Variants in FBLN2 observed in about 807,000 individuals in gnomAD.
FBLN2 encodes fibulin-2.
Under a neutral mutation model 123.7 loss-of-function variants are expected in FBLN2, and 81 were observed. The ratio of observed to expected loss-of-function variants is 0.65; its 90% CI spans 0.55 to 0.79. FBLN2 has a LOEUF of 0.79. FBLN2 is among the 30% of genes least tolerant of loss of function. FBLN2 has a pLI of 0.00. For missense variants in FBLN2, 1,603 were observed against 1,681.3 expected (o/e 0.95, Z 0.81); for synonymous variants, 699 against 701.4 (o/e 1.00, Z 0.05).
At chr3:13,551,372 G>C (rs924591734) in intron 1 of FBLN2, among the ~76,000 whole-genome samples, 1 of 152,194 alleles carries the variant, frequency 6.6e-6, no homozygotes, top group Admixed American at 6.5e-5. Flanking sequence ...CGTGAAGCAA[G>C]AGCTCATGCC....
intron 5 of FBLN2, among the ~76,000 whole-genome samples, chr3:13,615,993 C>A (rs1177708649): frequency 6.6e-6 from 1 of 152,210 alleles, no homozygotes; most frequent in Non-Finnish European, 1.5e-5. Flanking sequence ...ACAGGAAGAG[C>A]TCATATCCTG....
Position 13,621,884 on chromosome 3 carries a change from C to T in FBLN2, c.2265C>T (p.Gly755=). 3.1e-6 allele frequency: 5 copies of T among 1,613,836 alleles called. No homozygotes were observed. Among genetic ancestry groups the T allele is most frequent in the East Asian group, 4.5e-5 (2 of 44,868 alleles). Residue 755 remains glycine (G), a synonymous_variant, in exon 9 of 18, where the codon GGC becomes GGT. Coordinates refer to ENST00000404922, the MANE Select transcript of FBLN2 (RefSeq NM_001004019.2). ...CVNHTVLCAD[G]YILNAHRKCV... ...ACCACACAGTGCTCTGTGCCGATGG[C>T]TATATCCTCAATGCGCACAGGAAGT...
At chr3:13,636,262 G>A (rs1179917411) in intron 16 of FBLN2, among the ~76,000 whole-genome samples, 183 bp from the exon 17 acceptor site, 2 of 152,216 alleles carry the variant, frequency 1.3e-5, no homozygotes, top group African/African-American at 4.8e-5. Flanking sequence ...TGACACTTTA[G>A]AGCCAGGCCC....
intron 16 of FBLN2, among the ~76,000 whole-genome samples, chr3:13,632,524 CA>C (rs957287122): frequency 3.3e-5 from 5 of 152,210 alleles, no homozygotes; most frequent in Admixed American, 2.6e-4. Flanking sequence ...ATCCTGAGAT[CA>C]AGTCGATAGA....
chr3:13,571,210 GGA>G lies in FBLN2; in HGVS notation c.863_864del (p.Glu288GlyfsTer6). 2.5e-6 allele frequency: 4 copies of G among 1,570,042 alleles called. No homozygotes were observed. The highest frequency in any genetic ancestry group is 2.3e-5 in the South Asian group (2 of 85,630). ...DSEEEEEEEE[E>X]REEMAVTEQL... ...GTGAGGAGGAAGAAGAGGAGGAGGA[GGA>G]GAGAGAGGAAATGGCTGTCACTGAG... On this transcript the variant is annotated frameshift_variant, in exon 2 of 18. Transcript: ENST00000404922. LOFTEE classifies it high-confidence loss of function.
intron 3 of FBLN2, 32 bp from the exon 4 acceptor site, chr3:13,609,481 G>T: frequency 6.6e-7 from 1 of 1,519,118 alleles, no homozygotes; most frequent in South Asian, 1.3e-5. Flanking sequence ...TGAGGTGGGC[G>T]ACTGGGGGCT....
chr3:13,618,030 A>C (rs1282178693), intron 5 of FBLN2, 46 bp from the exon 6 acceptor site: 2 of 1,584,698 alleles, frequency 1.3e-6, no homozygotes, highest in Admixed American at 3.4e-5. Context: ...TCAGCCACCT[A>C]CTCTGACCAA....
intron 2 of FBLN2, among the ~76,000 whole-genome samples, chr3:13,598,808 G>A (rs137970538): frequency 2.6e-5 from 4 of 152,304 alleles, no homozygotes; most frequent in Non-Finnish European, 5.9e-5. Flanking sequence ...ACCCGACAGG[G>A]ACATCATGGT....
At chr3:13,581,056 T>G (rs1428707494) in intron 2 of FBLN2, among the ~76,000 whole-genome samples, 2 of 152,192 alleles carry the variant, frequency 1.3e-5, no homozygotes, top group African/African-American at 4.8e-5. Context: ...AGAGAAAGAT[T>G]AGAAACACAC....
At chr3:13,609,688 G>GGGGCCC in intron 4 of FBLN2, 46 bp downstream of exon 4, 2 of 512,598 alleles carry the variant, frequency 3.9e-6, no homozygotes, top group Non-Finnish European at 7.2e-6. Context: ...GTGGGGCGGG[G>GGGGCCC]CGGGAGGCTG....
At chr3:13,558,146 C>G (rs549156509) in intron 1 of FBLN2, among the ~76,000 whole-genome samples, 16 of 152,232 alleles carry the variant, frequency 1.1e-4, no homozygotes, top group African/African-American at 1.7e-4. Context: ...GCTCCCCTGG[C>G]TGCTGCCTCC....
rs761624209 is a variant in FBLN2, at chr3:13,553,996, C to T, written c.-42+4788C>T. On this transcript the variant is annotated intron_variant, in intron 1 of 17. Coordinates refer to ENST00000404922, the MANE Select transcript of FBLN2 (RefSeq NM_001004019.2). ...AAGTGTGATGAGGCCCAGCTGGGCG[C>T]GTGGGGAGCACCGTGGGAGTTGAGC... is the stretch of plus-strand genomic sequence containing the variant. Among the ~76,000 whole-genome samples, 5 of 152,310 alleles carry T rather than the reference C, an allele frequency of 3.3e-5. 1 individual carries two copies.
intron 2 of FBLN2, among the ~76,000 whole-genome samples, chr3:13,586,426 G>A (rs562055091): frequency 5.3e-5 from 8 of 151,350 alleles, no homozygotes; most frequent in South Asian, 4.2e-4. Context: ...CTCGTGATCC[G>A]CCTGCCTAGG....
rs3773273 is a variant in FBLN2, at chr3:13,598,354, C to T, written c.1307-9708C>T. Among the ~76,000 whole-genome samples, 2,962 of 152,238 alleles carry T rather than the reference C, an allele frequency of 0.019. 217 individuals are homozygous for T. The East Asian group carries it at 0.21, about 11-fold the overall frequency. ...AGCAAGGAAATGGAGGCTCAGAAGC[C>T]GAGTGACTCGCCCAAGTGCCCCAGC... On this transcript the variant is annotated intron_variant, in intron 2 of 17. Coordinates refer to ENST00000404922, the MANE Select transcript of FBLN2 (RefSeq NM_001004019.2).
intron 1 of FBLN2, chr3:13,569,048 G>A: frequency 1.0e-6 from 1 of 985,964 alleles, no homozygotes; most frequent in Non-Finnish European, 1.2e-6. Flanking sequence ...TCTTGCCTGT[G>A]ACTTTGGGGA....
chr3:13,555,334 A>G (rs1703434131), intron 1 of FBLN2, among the ~76,000 whole-genome samples: 1 of 152,192 alleles, frequency 6.6e-6, no homozygotes, highest in Non-Finnish European at 1.5e-5. Flanking sequence ...AGCAATACCC[A>G]TAAAAATAAA....
At position 13,570,596 on chromosome 3, in the gene FBLN2, G is replaced by T; in HGVS notation, c.241G>T (p.Gly81Cys). The change falls in exon 2 of 18, where the codon GGC becomes TGC. Residue 81 changes from glycine to cysteine, a missense_variant. Coordinates refer to ENST00000404922, the MANE Select transcript of FBLN2 (RefSeq NM_001004019.2). ...YDCLQGGFVR[G>C]RVPAGQSYFV... ...CTGCCTACAGGGTGGCTTCGTGCGC[G>T]GCCGCGTGCCCGCCGGTCAGTCCTA... The T allele has an allele frequency of 6.3e-7, 1 of 1,578,382 alleles. No individual in the cohort carries two copies. The highest frequency in any genetic ancestry group is 8.6e-7 in the Non-Finnish European group (1 of 1,163,172).
At chr3:13,550,501 G>T (rs1442802368) in intron 1 of FBLN2, among the ~76,000 whole-genome samples, 1 of 152,274 alleles carries the variant, frequency 6.6e-6, no homozygotes, top group African/African-American at 2.4e-5. Context: ...AAACAGGATG[G>T]TTTGGGTGCT....
At chr3:13,569,998 G>A (rs1703876344) in intron 1 of FBLN2, among the ~76,000 whole-genome samples, 2 of 152,106 alleles carry the variant, frequency 1.3e-5, no homozygotes, top group Non-Finnish European at 2.9e-5. Flanking sequence ...GTGGGCACGA[G>A]GGCTCACTCA....
Sources: allele counts gnomAD v4.1 joint callset (sites outside exome capture counted in the v4.1 genomes callset), GRCh38; gene constraint gnomAD v4.1.1; transcripts MANE v1.5; gene names NCBI Gene and HGNC (gene_info 2026-07-23, HGNC 2026-07-21).